ATP8B4: variants seen among roughly 807,000 people sequenced by gnomAD.
The protein encoded by ATP8B4 is ATPase phospholipid transporting 8B4 (putative).
Under a neutral mutation model 145.6 loss-of-function variants are expected in ATP8B4, and 133 were observed. The observed-to-expected ratio is 0.91, with a 90% CI of 0.79 to 1.05. The LOEUF (loss-of-function observed/expected upper bound fraction) is 1.05. ATP8B4 is among the 50% of genes least tolerant of loss of function. The pLI is 0.00. For missense variants in ATP8B4, 1,458 were observed against 1,425.2 expected, an observed-to-expected ratio of 1.02 and a Z score of -0.37; for synonymous variants, 507 against 492.9, an observed-to-expected ratio of 1.03 and a Z score of -0.38.
At chr15:49,895,913 C>T (rs907054287) in intron 23 of ATP8B4, 3 of 152,190 alleles carry the variant, frequency 2.0e-5, no homozygotes, top group Non-Finnish European at 2.9e-5. Flanking sequence ...GGGTTTGTCC[C>T]TTCATAGTCT....
chr15:50,053,569 T>G (rs2052355914), intron 3 of ATP8B4, among the ~76,000 whole-genome samples: 2 of 152,244 alleles, frequency 1.3e-5, no homozygotes, highest in South Asian at 4.1e-4. Context: ...CCTTGGATTC[T>G]CTTTCAGTTC....
chr15:50,073,880 T>C (rs1311457550), intron 3 of ATP8B4, among the ~76,000 whole-genome samples: 1 of 152,038 alleles, frequency 6.6e-6, no homozygotes, highest in African/African-American at 2.4e-5. Flanking sequence ...AAACATCAAT[T>C]CTTGAGAAAG....
chr15:49,995,979 T>C (rs2047394506), intron 9 of ATP8B4, among the ~76,000 whole-genome samples: 1 of 152,086 alleles, frequency 6.6e-6, no homozygotes, highest in South Asian at 2.1e-4. Flanking sequence ...GCAGATATCC[T>C]TAGAATGGAC....
At chr15:50,138,780 T>C (rs1426124909) in intron 1 of ATP8B4, among the ~76,000 whole-genome samples, 1 of 152,226 alleles carries the variant, frequency 6.6e-6, no homozygotes, top group Non-Finnish European at 1.5e-5. Context: ...TGTTCTCTTA[T>C]ACCCATACAA....
At chr15:50,111,829 T>C (rs2056961786) in intron 1 of ATP8B4, among the ~76,000 whole-genome samples, 1 of 152,132 alleles carries the variant, frequency 6.6e-6, no homozygotes, top group Non-Finnish European at 1.5e-5. Context: ...TAGGAACAAA[T>C]GAGGACAGCG....
chr15:50,085,987 CAT>C (rs2054980719), intron 2 of ATP8B4, among the ~76,000 whole-genome samples: 2 of 41,766 alleles, frequency 4.8e-5, no homozygotes, highest in East Asian at 6.8e-4. Flanking sequence ...TCAAATATAT[CAT>C]ATATATTTAT....
At chr15:50,001,946 T>G (rs2047927048) in intron 8 of ATP8B4, among the ~76,000 whole-genome samples, 1 of 152,172 alleles carries the variant, frequency 6.6e-6, no homozygotes, top group Non-Finnish European at 1.5e-5. Flanking sequence ...TTCCTGTATA[T>G]AAGTTTCGCT....
At chr15:50,050,964 C>T (rs1295032700) in intron 3 of ATP8B4, among the ~76,000 whole-genome samples, 3 of 152,098 alleles carry the variant, frequency 2.0e-5, no homozygotes, top group Non-Finnish European at 4.4e-5. Flanking sequence ...CTAGCCATCA[C>T]TCCTATCTGT....
At chr15:49,922,400 G>A (rs1407998274) in intron 17 of ATP8B4, 2 of 447,670 alleles carry the variant, frequency 4.5e-6, no homozygotes, top group Admixed American at 2.4e-5. Flanking sequence ...AGACCATGCT[G>A]GCCTCCTGGA....
At chr15:50,127,839 GGTCT>G (rs959805493) in intron 1 of ATP8B4, among the ~76,000 whole-genome samples, 5 of 152,154 alleles carry the variant, frequency 3.3e-5, no homozygotes, top group Admixed American at 2.0e-4. Flanking sequence ...ACACCAGTAA[GGTCT>G]GTCTTTGAAG....
intron 25 of ATP8B4, among the ~76,000 whole-genome samples, chr15:49,868,965 A>G (rs1473520536): frequency 6.6e-6 from 1 of 152,128 alleles, no homozygotes; most frequent in East Asian, 1.9e-4. Flanking sequence ...CTTGTCGCCA[A>G]TGGTGTGATC....
intron 3 of ATP8B4, among the ~76,000 whole-genome samples, chr15:50,066,539 A>G (rs1208381452): frequency 6.6e-6 from 1 of 152,150 alleles, no homozygotes; most frequent in Non-Finnish European, 1.5e-5. Context: ...AGAGACCCAA[A>G]TGTCCCATCA....
intron 1 of ATP8B4, among the ~76,000 whole-genome samples, chr15:50,141,365 T>C (rs1418591304): frequency 2.0e-5 from 3 of 152,070 alleles, no homozygotes; most frequent in Non-Finnish European, 4.4e-5. Flanking sequence ...TCCTGGGCCA[T>C]GGTTTTTGAT....
chr15:49,889,122 A>G (rs1392006034), intron 23 of ATP8B4, among the ~76,000 whole-genome samples: 1 of 151,930 alleles, frequency 6.6e-6, no homozygotes, highest in Admixed American at 6.6e-5. Flanking sequence ...AAAAAAAAAA[A>G]GGATATGGCC....
intron 6 of ATP8B4, among the ~76,000 whole-genome samples, chr15:50,011,412 A>G (rs1019224099): frequency 6.6e-6 from 1 of 152,196 alleles, no homozygotes; most frequent in African/African-American, 2.4e-5. Flanking sequence ...AAAGCATGAT[A>G]AAAGAAGCCT....
chr15:49,961,127 C>T (rs1166888280), intron 14 of ATP8B4, among the ~76,000 whole-genome samples: 1 of 139,978 alleles, frequency 7.1e-6, no homozygotes, highest in Non-Finnish European at 1.6e-5. Context: ...AGCAAGACTC[C>T]ATCTCAAAAA....
Position 49,934,057 on chromosome 15 carries a change from A to C in ATP8B4, c.1413T>G (p.Leu471=). The C allele has an allele frequency of 1.2e-6, 2 of 1,612,442 alleles. No homozygotes were observed. The highest frequency in any genetic ancestry group is 1.7e-6 in the Non-Finnish European group (2 of 1,178,954). ...DPKVHEFLRL[L]ALCHTVMSEE... ...CTGACATTACAGTGTGGCAGAGAGC[A>C]AGTAACCTAAGGAATTCATGAACTT... The change falls in exon 15 of 28, where the codon CTT becomes CTG. Residue 471 remains leucine, a synonymous_variant. Coordinates refer to ENST00000284509, the MANE Select transcript of ATP8B4 (RefSeq NM_024837.4).
intron 2 of ATP8B4, among the ~76,000 whole-genome samples, chr15:50,080,594 A>G (rs1376625555): frequency 6.6e-6 from 1 of 151,822 alleles, no homozygotes; most frequent in African/African-American, 2.4e-5. Flanking sequence ...CTATCTTGCT[A>G]GAATTTTTTT....
At chr15:49,998,175 GA>G (rs1386436139) in intron 8 of ATP8B4, among the ~76,000 whole-genome samples, 1 of 152,068 alleles carries the variant, frequency 6.6e-6, no homozygotes, top group Non-Finnish European at 1.5e-5. Flanking sequence ...CTTCAAATGT[GA>G]AAAAACAAAA....
Sources: gnomAD v4.1 joint callset for allele counts (sites outside exome capture counted in the v4.1 genomes callset) on GRCh38, gnomAD v4.1.1 for gene constraint, MANE v1.5 for transcripts, NCBI Gene and HGNC (gene_info 2026-07-23, HGNC 2026-07-21) for gene names.